The following NHSL2 variants were observed in gnomAD, a reference collection of about 807,000 sequenced individuals.
NHSL2 encodes NHS like 2, also known as NHS-like protein 2.
A neutral mutation model predicts 53.4 loss-of-function variants in NHSL2; 27 were observed. The observed-to-expected ratio is 0.51, with a 90% CI of 0.37 to 0.70. NHSL2 has a LOEUF of 0.70. Among genes scored for constraint, NHSL2 ranks in the 30% least tolerant of loss-of-function variants. The pLI, the probability that NHSL2 is intolerant of heterozygous loss-of-function variation, is 0.00. For synonymous variants in NHSL2, 408 were observed against 404.1 expected (o/e 1.01, Z -0.12); for missense variants, 892 against 980.1 (o/e 0.91, Z 1.20).
At chrX:72,135,312 C>T (rs1016916333) in intron 4 of NHSL2, among the ~76,000 whole-genome samples, 2 of 111,884 alleles carry the variant, frequency 1.8e-5, no homozygotes, top group Non-Finnish European at 3.8e-5. Flanking sequence ...GAGTGGGGAA[C>T]GTGCTGTATT....
At chrX:71,943,316 T>C (rs1187548348) in intron 1 of NHSL2, among the ~76,000 whole-genome samples, 1 of 112,270 alleles carries the variant, frequency 8.9e-6, no homozygotes, top group Admixed American at 9.4e-5. Flanking sequence ...ACAGCCTCAG[T>C]CTATACTTCA....
intron 1 of NHSL2, among the ~76,000 whole-genome samples, chrX:71,915,540 A>G (rs2041624184): frequency 8.9e-6 from 1 of 112,461 alleles, no homozygotes; most frequent in Non-Finnish European, 1.9e-5. Context: ...CCTTTAAACA[A>G]AAATGTTACT....
chrX:71,989,273 C>T (rs1342323066), intron 1 of NHSL2, among the ~76,000 whole-genome samples: 2 of 93,547 alleles, frequency 2.1e-5, no homozygotes, highest in African/African-American at 4.1e-5. Flanking sequence ...GGCGTGAACC[C>T]GGGAGGCGGA....
At chrX:71,937,343 T>C (rs2041743837) in intron 1 of NHSL2, among the ~76,000 whole-genome samples, 1 of 110,552 alleles carries the variant, frequency 9.0e-6, no homozygotes, top group Non-Finnish European at 1.9e-5. Flanking sequence ...GGCTGGAGAG[T>C]CAAAGCGTCA....
chrX:72,111,441 C>T (rs995133026), intron 1 of NHSL2, among the ~76,000 whole-genome samples: 3 of 112,531 alleles, frequency 2.7e-5, no homozygotes, highest in Non-Finnish European at 5.6e-5. Context: ...CTCTTTATTG[C>T]GTCTTTACTG....
chrX:71,951,995 AG>A (rs1353208880), intron 1 of NHSL2, among the ~76,000 whole-genome samples: 3 of 112,214 alleles, frequency 2.7e-5, no homozygotes, highest in Admixed American at 9.4e-5. Context: ...AATGGAGAAG[AG>A]GGGAAAAGGA....
chrX:72,140,958 A>G, intron 6 of NHSL2, 187 bp downstream of exon 6: 1 of 391,108 alleles, frequency 2.6e-6, no homozygotes. Flanking sequence ...CCTTGAGATC[A>G]AGACTAGCCC....
chrX:72,036,591 T>A (rs1446241699), intron 1 of NHSL2, among the ~76,000 whole-genome samples: 1 of 112,087 alleles, frequency 8.9e-6, no homozygotes, highest in Non-Finnish European at 1.9e-5. Flanking sequence ...TTATTTCTCC[T>A]CTCCTTCTGA....
chrX:71,919,273 C>T (rs2041644568), intron 1 of NHSL2, among the ~76,000 whole-genome samples: 1 of 112,026 alleles, frequency 8.9e-6, no homozygotes, highest in African/African-American at 3.2e-5. Context: ...TACTATCTGA[C>T]TCTAGTGTCT....
chrX:71,914,434 A>C (rs962366052), intron 1 of NHSL2, among the ~76,000 whole-genome samples: 2 of 112,523 alleles, frequency 1.8e-5, no homozygotes, highest in African/African-American at 6.5e-5. Flanking sequence ...CTCCTTTGCC[A>C]TCAAGGAAGT....
intron 1 of NHSL2, among the ~76,000 whole-genome samples, chrX:72,098,453 C>T (rs1469491067): frequency 4.6e-5 from 5 of 109,658 alleles, no homozygotes; most frequent in African/African-American, 1.3e-4. Context: ...TGGTGGCGGG[C>T]GCCTGTAGTC....
intron 1 of NHSL2, among the ~76,000 whole-genome samples, chrX:72,106,963 G>A (rs1442690700): frequency 9.3e-6 from 1 of 107,240 alleles, no homozygotes; most frequent in Non-Finnish European, 1.9e-5. Context: ...GGGGCTTGTC[G>A]GGGGGTGGGG....
At chrX:72,058,473 T>C in intron 1 of NHSL2, among the ~76,000 whole-genome samples, 1 of 111,681 alleles carries the variant, frequency 9.0e-6, no homozygotes, top group Non-Finnish European at 1.9e-5. Context: ...GCGTCCCGAG[T>C]AGCTGGGATT....
chrX:72,118,305 C>A (rs1441455901), intron 1 of NHSL2, among the ~76,000 whole-genome samples: 1 of 112,007 alleles, frequency 8.9e-6, no homozygotes, highest in Non-Finnish European at 1.9e-5. Context: ...AGATCCTTTG[C>A]CCATTTTTGA....
At chrX:72,125,721 A>T (rs10856126) in intron 1 of NHSL2, among the ~76,000 whole-genome samples, 5 of 110,504 alleles carry the variant, frequency 4.5e-5, no homozygotes, top group Non-Finnish European at 7.6e-5. Context: ...CTTGTCAGGC[A>T]CCCTGAAGAG....
intron 1 of NHSL2, among the ~76,000 whole-genome samples, chrX:71,997,214 G>A (rs145771687): frequency 0.034 from 3,759 of 111,484 alleles, 165 homozygotes; most frequent in African/African-American, 0.12. Context: ...GGTAGAAGGG[G>A]GATCAGGACA....
At chrX:71,945,649 G>A (rs1445534098) in intron 1 of NHSL2, among the ~76,000 whole-genome samples, 1 of 112,113 alleles carries the variant, frequency 8.9e-6, no homozygotes, top group Non-Finnish European at 1.9e-5. Context: ...GTTTACTGAA[G>A]GAGATTATTT....
chrX:71,991,997 C>G, intron 1 of NHSL2, among the ~76,000 whole-genome samples: 1 of 113,005 alleles, frequency 8.8e-6, no homozygotes, highest in African/African-American at 3.2e-5. Flanking sequence ...ATCTGCCTGG[C>G]CACAGGCAGG....
At chrX:71,986,775 C>G (rs1286316077) in intron 1 of NHSL2, among the ~76,000 whole-genome samples, 1 of 111,572 alleles carries the variant, frequency 9.0e-6, no homozygotes, top group Non-Finnish European at 1.9e-5. Context: ...AATTCTGGCA[C>G]CAAATCAGTA....
Sources: allele counts gnomAD v4.1 joint callset (sites outside exome capture counted in the v4.1 genomes callset), GRCh38; gene constraint gnomAD v4.1.1; transcripts MANE v1.5; gene names NCBI Gene and HGNC (gene_info 2026-07-23, HGNC 2026-07-21).